The following SCN11A variants were observed in gnomAD, a reference collection of about 807,000 sequenced individuals.
SCN11A encodes sodium voltage-gated channel alpha subunit 11.
SCN11A carries 122 observed loss-of-function variants against 162.2 expected under a neutral mutation model. That is an observed-to-expected ratio of 0.75 (90% confidence interval 0.65 to 0.87). SCN11A has a LOEUF of 0.87. Among genes scored for constraint, SCN11A ranks in the 40% least tolerant of loss-of-function variants. The pLI is 0.00. For missense variants in SCN11A, 2,015 were observed against 2,181.6 expected, an observed-to-expected ratio of 0.92 and a Z score of 1.52; for synonymous variants, 758 against 751.5, an observed-to-expected ratio of 1.01 and a Z score of -0.14.
chr3:39,012,822 C>A (rs1169909595), intron 2 of SCN11A, among the ~76,000 whole-genome samples: 2 of 152,186 alleles, frequency 1.3e-5, no homozygotes, highest in African/African-American at 4.8e-5. Context: ...TTTCTTTGAG[C>A]TCCTTTCCAA....
At chr3:38,964,260 C>A (rs953858074) in intron 2 of SCN11A, among the ~76,000 whole-genome samples, 7 of 152,180 alleles carry the variant, frequency 4.6e-5, no homozygotes, top group Non-Finnish European at 1.0e-4. Context: ...CTCAGTTCTG[C>A]CGTCTGATGA....
chr3:39,034,927 G>A lies in SCN11A; in HGVS notation c.-403-2424C>T, dbSNP rs1575367826. Among the ~76,000 whole-genome samples the A allele has an allele frequency of 3.3e-5, 5 of 152,188 alleles. No homozygotes were observed. The South Asian group carries it at 1.0e-3, about 32-fold the overall frequency. On this transcript the variant is annotated intron_variant, in intron 1 of 29. Coordinates refer to ENST00000302328, the MANE Select transcript of SCN11A (RefSeq NM_001349253.2). ...ATCTCTATAATGAAAACTATAAAAT[G>A]TTGATAAAGGAAATTGAAGCAGACA...
At chr3:38,962,124 G>A (rs1415616792) in intron 2 of SCN11A, among the ~76,000 whole-genome samples, 2 of 152,222 alleles carry the variant, frequency 1.3e-5, no homozygotes, top group Non-Finnish European at 2.9e-5. Flanking sequence ...TGAAAAGGCT[G>A]TCCTTTCCCC....
At chr3:38,889,756 T>C (rs2065464288) in intron 19 of SCN11A, among the ~76,000 whole-genome samples, 3 of 150,096 alleles carry the variant, frequency 2.0e-5, no homozygotes, top group Admixed American at 1.3e-4. Context: ...GCGGAGATCA[T>C]GCCACTGCAC....
chr3:39,018,978 A>C (rs2031372034), intron 2 of SCN11A, among the ~76,000 whole-genome samples: 1 of 152,174 alleles, frequency 6.6e-6, no homozygotes, highest in Non-Finnish European at 1.5e-5. Context: ...TAAGCAAGCT[A>C]ACTTTGGGAG....
At chr3:38,931,117 C>T (rs1341491186) in intron 7 of SCN11A, among the ~76,000 whole-genome samples, 1 of 152,224 alleles carries the variant, frequency 6.6e-6, no homozygotes, top group Non-Finnish European at 1.5e-5. Context: ...GCAACCCCTG[C>T]ACTCAGTTAG....
At chr3:38,966,167 C>A (rs893879741) in intron 2 of SCN11A, among the ~76,000 whole-genome samples, 1 of 152,120 alleles carries the variant, frequency 6.6e-6, no homozygotes, top group African/African-American at 2.4e-5. Context: ...TGGCCCAACC[C>A]AAAAATTCGA....
rs149092037 is a variant in SCN11A at position 38,924,190 on chromosome 3, G to A, written c.712+1225C>T. On this transcript the variant is annotated intron_variant, in intron 9 of 29. Transcript: ENST00000302328. ...AGCTCCCATTTCTTCAGAGTGAAGC[G>A]CATATCCTCCCTGTGCCTACAAGAC... Among the ~76,000 whole-genome samples, 716 of 150,660 alleles carry A rather than the reference G, an allele frequency of 4.8e-3. 2 individuals carry two copies. Among genetic ancestry groups the A allele is most frequent in the Middle Eastern group, 6.9e-3 (2 of 290 alleles).
intron 8 of SCN11A, among the ~76,000 whole-genome samples, chr3:38,925,884 AT>A (rs1189626510): frequency 6.6e-6 from 1 of 152,242 alleles, no homozygotes; most frequent in Admixed American, 6.5e-5. Flanking sequence ...TCAAGCCTGA[AT>A]GTGTAGCCAG....
At chr3:38,895,395 G>A (rs2065579496) in intron 18 of SCN11A, among the ~76,000 whole-genome samples, 1 of 152,300 alleles carries the variant, frequency 6.6e-6, no homozygotes, top group Non-Finnish European at 1.5e-5. Context: ...GAATATTTGT[G>A]AGATGATGTA....
At chr3:38,901,235 A>G (rs575975611) in intron 16 of SCN11A, among the ~76,000 whole-genome samples, 1 of 152,364 alleles carries the variant, frequency 6.6e-6, no homozygotes, top group East Asian at 1.9e-4. Flanking sequence ...AAAGTTAAAG[A>G]CAAAAGGATA....
At chr3:39,018,789 G>A (rs1396840286) in intron 2 of SCN11A, among the ~76,000 whole-genome samples, 1 of 152,142 alleles carries the variant, frequency 6.6e-6, no homozygotes, top group East Asian at 1.9e-4. Context: ...CTGCACTCCA[G>A]CCTGGGTGAC....
chr3:38,887,603 A>T (rs1386416667), intron 19 of SCN11A, among the ~76,000 whole-genome samples: 1 of 151,756 alleles, frequency 6.6e-6, no homozygotes, highest in African/African-American at 2.4e-5. Flanking sequence ...AAAATAAAAA[A>T]ATAAAAAATA....
intron 2 of SCN11A, among the ~76,000 whole-genome samples, chr3:39,026,530 A>G (rs1004781615): frequency 1.3e-5 from 2 of 151,980 alleles, no homozygotes; most frequent in Non-Finnish European, 2.9e-5. Context: ...ACCTCTGTCA[A>G]GGAAAACCAG....
chr3:38,998,510 G>T (rs972988885), intron 2 of SCN11A, among the ~76,000 whole-genome samples: 6 of 152,140 alleles, frequency 3.9e-5, no homozygotes, highest in African/African-American at 7.2e-5. Flanking sequence ...TGATTCCTCA[G>T]GGATCTACAA....
intron 2 of SCN11A, among the ~76,000 whole-genome samples, chr3:39,025,315 C>T (rs1325619501): frequency 6.6e-6 from 1 of 152,026 alleles, no homozygotes; most frequent in Non-Finnish European, 1.5e-5. Context: ...CTATCTCACA[C>T]AAGAAAGGGT....
At chr3:38,907,776 T>A (rs1431582893) in intron 14 of SCN11A, among the ~76,000 whole-genome samples, 173 bp downstream of exon 14, 1 of 152,214 alleles carries the variant, frequency 6.6e-6, no homozygotes, top group East Asian at 1.9e-4. Flanking sequence ...TCTAAATTGA[T>A]GTTTACAAAT....
chr3:38,919,801 T>A, intron 11 of SCN11A, 134 bp downstream of exon 11: 1 of 712,196 alleles, frequency 1.4e-6, no homozygotes, highest in Non-Finnish European at 2.5e-6. Flanking sequence ...AGTCTAAACA[T>A]GTTTAGACAC....
At chr3:39,009,504 T>G (rs1247690431) in intron 2 of SCN11A, among the ~76,000 whole-genome samples, 2 of 150,888 alleles carry the variant, frequency 1.3e-5, no homozygotes, top group Admixed American at 1.3e-4. Flanking sequence ...GTTTGAGAAT[T>G]GCTGATTCAG....
Sources: gnomAD v4.1 joint callset for allele counts (sites outside exome capture counted in the v4.1 genomes callset) on GRCh38, gnomAD v4.1.1 for gene constraint, MANE v1.5 for transcripts, NCBI Gene and HGNC (gene_info 2026-07-23, HGNC 2026-07-21) for gene names.